The following LINC01488 variants were observed in gnomAD, a reference collection of about 807,000 sequenced individuals.
LINC01488 encodes CCND1-upstream intergenic DNA repair 1.
chr11:69,489,977 T>C (rs1372269421), intron 1 of LINC01488, among the ~76,000 whole-genome samples: 3 of 151,992 alleles, frequency 2.0e-5, no homozygotes, highest in African/African-American at 7.3e-5. Flanking sequence ...TGCACCTGAG[T>C]CAGCTCCTGC....
chr11:69,485,860 G>A (rs1185339163), intron 1 of LINC01488: 1 of 152,244 alleles, frequency 6.6e-6, no homozygotes, highest in Non-Finnish European at 1.5e-5. Context: ...CTGCCTGCAG[G>A]GGCGAGGTAG....
chr11:69,483,818 G>C (rs768406636), intron 1 of LINC01488, among the ~76,000 whole-genome samples: 2 of 151,690 alleles, frequency 1.3e-5, no homozygotes, highest in Admixed American at 6.6e-5. Context: ...ACCAAGGCCC[G>C]GGCCGGCCCG....
intron 1 of LINC01488, among the ~76,000 whole-genome samples, chr11:69,489,338 G>T (rs1590871585): frequency 6.6e-6 from 1 of 152,354 alleles, no homozygotes; most frequent in South Asian, 2.1e-4. Context: ...CTGCCTCCCT[G>T]GACACCAGAG....
intron 1 of LINC01488, chr11:69,485,707 C>G (rs1857104577): frequency 6.6e-6 from 1 of 152,252 alleles, no homozygotes; most frequent in Non-Finnish European, 1.5e-5. Flanking sequence ...CTGCCCTAGC[C>G]AATATTTGAG....
intron 1 of LINC01488, among the ~76,000 whole-genome samples, chr11:69,483,416 T>C (rs1395269545): frequency 6.6e-6 from 1 of 152,234 alleles, no homozygotes; most frequent in Non-Finnish European, 1.5e-5. Flanking sequence ...AGTAGGATCA[T>C]GATATGCCCT....
exon 4 of LINC01488, chr11:69,492,676 C>T (rs12365305): frequency 0.37 from 56,061 of 152,198 alleles, 11,865 homozygotes; most frequent in Non-Finnish European, 0.48. Flanking sequence ...GTCCGATTCC[C>T]GACCTCCAGA....
chr11:69,485,007 T>C (rs1440377463), intron 1 of LINC01488, among the ~76,000 whole-genome samples: 1 of 152,130 alleles, frequency 6.6e-6, no homozygotes, highest in Non-Finnish European at 1.5e-5. Context: ...TGTGCTAAAA[T>C]CTCTGAACCA....
At chr11:69,482,518 G>A (rs114927540) in intron 1 of LINC01488, among the ~76,000 whole-genome samples, 4,035 of 151,614 alleles carry the variant, frequency 0.027, 194 homozygotes, top group African/African-American at 0.092. Context: ...GTGGATGGAC[G>A]GATGGATGAA....
chr11:69,487,324 C>G (rs961046791), intron 1 of LINC01488, among the ~76,000 whole-genome samples: 2 of 152,270 alleles, frequency 1.3e-5, no homozygotes, highest in Middle Eastern at 3.4e-3. Context: ...AGAGGGAGCC[C>G]CGTGAGGGCT....
chr11:69,486,435 G>A (rs1441537552), intron 1 of LINC01488, among the ~76,000 whole-genome samples: 1 of 152,338 alleles, frequency 6.6e-6, no homozygotes, highest in East Asian at 1.9e-4. Flanking sequence ...ATCTCCCCAG[G>A]TGTTGCCTGA....
chr11:69,483,943 GC>G (rs1281722128), intron 1 of LINC01488, among the ~76,000 whole-genome samples: 1 of 152,230 alleles, frequency 6.6e-6, no homozygotes, highest in Admixed American at 6.5e-5. Context: ...GTCTAAGGCA[GC>G]CGAGCCAAGG....
intron 1 of LINC01488, among the ~76,000 whole-genome samples, chr11:69,482,875 G>A (rs1857062052): frequency 1.3e-5 from 2 of 152,112 alleles, no homozygotes; most frequent in African/African-American, 4.8e-5. Context: ...TTTTCACAGG[G>A]TTGTTCCTCT....
chr11:69,484,138 C>T (rs1171746491), intron 1 of LINC01488, among the ~76,000 whole-genome samples: 1 of 152,188 alleles, frequency 6.6e-6, no homozygotes, highest in Non-Finnish European at 1.5e-5. Context: ...TCTTGGGGTG[C>T]CCCCTCACTC....
At chr11:69,482,513 TG>T (rs1565191357) in intron 1 of LINC01488, among the ~76,000 whole-genome samples, 6 of 151,518 alleles carry the variant, frequency 4.0e-5, no homozygotes, top group African/African-American at 1.5e-4. Context: ...GATGAGTGGA[TG>T]GACGGATGGA....
chr11:69,487,502 G>A (rs1191107015), intron 1 of LINC01488, among the ~76,000 whole-genome samples: 1 of 152,232 alleles, frequency 6.6e-6, no homozygotes, highest in Non-Finnish European at 1.5e-5. Context: ...GGGGAGCTAG[G>A]TTTGGCCTCC....
chr11:69,485,737 A>G (rs1857104913), intron 1 of LINC01488: 1 of 152,334 alleles, frequency 6.6e-6, no homozygotes, highest in Middle Eastern at 3.4e-3. Context: ...CAAGTACAGC[A>G]TCTGTGGGCA....
At chr11:69,485,234 C>A (rs1857095719) in intron 1 of LINC01488, among the ~76,000 whole-genome samples, 1 of 152,164 alleles carries the variant, frequency 6.6e-6, no homozygotes, top group African/African-American at 2.4e-5. Flanking sequence ...GGGTTTTCCC[C>A]CAGGAACATG....
intron 1 of LINC01488, chr11:69,485,754 A>G (rs1427333439): frequency 2.6e-5 from 4 of 152,256 alleles, no homozygotes; most frequent in Non-Finnish European, 1.5e-5. Flanking sequence ...GGCAGACGAC[A>G]GGGCCAATGG....
At chr11:69,484,849 C>G (rs1356154041) in intron 1 of LINC01488, among the ~76,000 whole-genome samples, 2 of 152,230 alleles carry the variant, frequency 1.3e-5, no homozygotes, top group Non-Finnish European at 2.9e-5. Flanking sequence ...CAGGTCACCT[C>G]CTCCCTGAAG....
Sources: allele counts gnomAD v4.1 joint callset (sites outside exome capture counted in the v4.1 genomes callset), GRCh38; gene constraint gnomAD v4.1.1; transcripts MANE v1.5; gene names NCBI Gene and HGNC (gene_info 2026-07-23, HGNC 2026-07-21).